Variants in NR4A3 observed in about 807,000 individuals in gnomAD.
NR4A3 encodes nuclear receptor subfamily 4 group A member 3.
A neutral mutation model predicts 55.6 loss-of-function variants in NR4A3; 13 were observed. The ratio of observed to expected loss-of-function variants is 0.23; its 90% CI spans 0.15 to 0.37. The LOEUF (loss-of-function observed/expected upper bound fraction) is 0.37. NR4A3 is among the 10% of genes least tolerant of loss of function. The pLI is 1.00. For synonymous variants in NR4A3, 342 were observed against 357.9 expected (o/e 0.96, Z 0.50); for missense variants, 646 against 822.8 (o/e 0.79, Z 2.63).
intron 6 of NR4A3, among the ~76,000 whole-genome samples, chr9:99,845,173 A>G (rs776073659): frequency 3.9e-5 from 6 of 152,198 alleles, no homozygotes; most frequent in South Asian, 2.1e-4. Flanking sequence ...CCAACATTCT[A>G]TGATTCTCGA....
intron 6 of NR4A3, among the ~76,000 whole-genome samples, chr9:99,845,602 A>T (rs1666116882): frequency 6.6e-6 from 1 of 152,134 alleles, no homozygotes; most frequent in Non-Finnish European, 1.5e-5. Context: ...TTATCAGAAA[A>T]ATCCATCTTT....
In NR4A3 at chr9:99,863,681, T is replaced by G; in HGVS notation, c.1695T>G (p.Ser565Arg). ...VEELCNKITSSLKDHQSKGQA... is the reference protein window; with the variant it reads ...VEELCNKITSRLKDHQSKGQA... ...AGCTATGCAACAAGATCACAAGCAG[T>G]TTAAAAGACCACCAGAGTAAGGGAC... The change falls in exon 8 of 8, where the codon AGT becomes AGG. Residue 565 changes from serine to arginine, a missense_variant. This residue lies in a region of NR4A3 where 163 missense variants were observed against 233.0 expected (regional missense o/e 0.70). Transcript: ENST00000395097. The G allele has an allele frequency of 1.2e-6, 2 of 1,613,762 alleles. No homozygotes were observed. The highest frequency in any genetic ancestry group is 1.7e-6 in the Non-Finnish European group (2 of 1,179,892).
At chr9:99,835,824 C>T (rs1827549292) in intron 5 of NR4A3, among the ~76,000 whole-genome samples, 1 of 152,166 alleles carries the variant, frequency 6.6e-6, no homozygotes, top group Admixed American at 6.5e-5. Flanking sequence ...AGTCATCATC[C>T]TCATCAACAA....
chr9:99,842,602 A>G (rs796932052), intron 5 of NR4A3, among the ~76,000 whole-genome samples: 2 of 152,098 alleles, frequency 1.3e-5, no homozygotes, highest in African/African-American at 4.8e-5. Context: ...ATGGTAGCAC[A>G]CACCTGTAGT....
chr9:99,847,423 C>T lies in NR4A3; in HGVS notation c.1455-14C>T. 1 of 1,612,968 alleles carries T rather than the reference C, an allele frequency of 6.2e-7. No individual in the cohort carries two copies. The highest frequency in any genetic ancestry group is 8.5e-7 in the Non-Finnish European group (1 of 1,179,200). ...ACAGACCTGTTTAATGTTTGTCTTC[C>T]TCTCACCTCCCAGGTCAAACACTGC... On this transcript the variant is annotated splice_polypyrimidine_tract_variant and intron_variant, in intron 6 of 7. Coordinates refer to ENST00000395097, the MANE Select transcript of NR4A3 (RefSeq NM_006981.4).
intron 3 of NR4A3, among the ~76,000 whole-genome samples, chr9:99,830,751 G>GA (rs1827423720): frequency 1.3e-5 from 2 of 152,114 alleles, no homozygotes; most frequent in African/African-American, 2.4e-5. Context: ...GATTTCAGTG[G>GA]AAAATGCTGA....
rs752852206 is a variant in NR4A3 at position 99,828,034 on chromosome 9, C to T, written c.-2-7C>T. On this transcript the variant is annotated splice_region_variant and splice_polypyrimidine_tract_variant and intron_variant, in intron 2 of 7. Transcript: ENST00000395097. The surrounding 1 kb of genome is among the most constrained non-coding windows in gnomAD (Gnocchi z 7.7). ...CTTCTGAGAGACCCTTTTCTCTGTC[C>T]CTGCAGATATGCCCTGCGTCCAAGC... 2 of 1,608,498 alleles carry T rather than the reference C, an allele frequency of 1.2e-6. No homozygotes were observed. Among genetic ancestry groups the T allele is most frequent in the African/African-American group, 1.3e-5 (1 of 74,908 alleles).
intron 7 of NR4A3, among the ~76,000 whole-genome samples, chr9:99,855,954 T>C (rs1827921459): frequency 6.6e-6 from 1 of 152,018 alleles, no homozygotes; most frequent in Non-Finnish European, 1.5e-5. Flanking sequence ...CCCTACTCCC[T>C]GCCATGAGGA....
intron 3 of NR4A3, 104 bp from the exon 4 acceptor site, chr9:99,832,585 C>T (rs1022788773): frequency 1.4e-5 from 13 of 952,956 alleles, no homozygotes; most frequent in African/African-American, 8.5e-5. Context: ...TCGAATTATA[C>T]GAATTGCACT....
intron 5 of NR4A3, chr9:99,833,779 C>T: frequency 5.2e-6 from 7 of 1,350,898 alleles, no homozygotes; most frequent in Non-Finnish European, 5.7e-6. Flanking sequence ...GTGATCTAGA[C>T]AAAGTGACTA....
chr9:99,832,280 G>T (rs1827459355), intron 3 of NR4A3, among the ~76,000 whole-genome samples: 1 of 152,114 alleles, frequency 6.6e-6, no homozygotes, highest in South Asian at 2.1e-4. Flanking sequence ...TTACAATAGT[G>T]ATAGCAAACA....
rs796731511 is a variant in NR4A3, at chr9:99,847,056, C to A, written c.1455-381C>A. ...TCAAGGACAAGCCCTGTCTCAGGAT[C>A]CCTGGAGGGAACAGTCTCATGTTCA... is the stretch of plus-strand genomic sequence containing the variant. On this transcript the variant is annotated intron_variant, in intron 6 of 7. Transcript: ENST00000395097. Among the ~76,000 whole-genome samples the A allele has an allele frequency of 6.6e-5, 10 of 152,310 alleles. No individual in the cohort carries two copies. In the East Asian group the frequency reaches 1.7e-3, roughly 26 times the overall value.
chr9:99,823,896 C>T (rs1827235613), intron 1 of NR4A3, among the ~76,000 whole-genome samples: 3 of 152,012 alleles, frequency 2.0e-5, no homozygotes. Flanking sequence ...CCAACCTCCG[C>T]CCCCGCTCCC....
At position 99,828,051 on chromosome 9, in the gene NR4A3, C is replaced by T. The variant is rs901101487; in HGVS notation, c.9C>T (p.Cys3=). The T allele has an allele frequency of 1.9e-6, 3 of 1,612,644 alleles. No homozygotes were observed. Among genetic ancestry groups the T allele is most frequent in the East Asian group, 2.2e-5 (1 of 44,884 alleles). Residue 3 remains cysteine (C), a synonymous_variant, in exon 3 of 8, where the codon TGC becomes TGT. Transcript: ENST00000395097. The surrounding 1 kb of genome is among the most constrained non-coding windows in gnomAD (Gnocchi z 7.7). MP[C]VQAQYSPSPP... ...TCTCTGTCCCTGCAGATATGCCCTG[C>T]GTCCAAGCCCAATATAGCCCTTCCC...
intron 3 of NR4A3, 38 bp downstream of exon 3, chr9:99,829,031 C>G: frequency 1.5e-6 from 2 of 1,306,624 alleles, no homozygotes; most frequent in Non-Finnish European, 1.9e-6. Flanking sequence ...GCACCCAGCC[C>G]CCTCACTGAA....
chr9:99,828,900 G>C lies in NR4A3; in HGVS notation c.858G>C (p.Ser286=), dbSNP rs766023063. The C allele has an allele frequency of 2.3e-5, 34 of 1,506,600 alleles. No homozygotes were observed. Among genetic ancestry groups the C allele is most frequent in the Non-Finnish European group, 8.8e-7 (1 of 1,132,088 alleles). The allele number at this position is 1,506,600 out of a possible 1,614,324, so 93.3% of individuals were successfully genotyped here. A position where few individuals can be genotyped will look rare whatever the true frequency, so the allele number is the denominator to read the frequency against. ...CGTCGCCGCCCAGCAGGAGCTCGTC[G>C]TCTGGCGAGGGCACGTGTGCCGTGT... ...SLPSPPSRSS[S]SGEGTCAVCG... The change falls in exon 3 of 8, where the codon TCG becomes TCC. Residue 286 remains serine (S), a synonymous_variant. Transcript: ENST00000395097. The surrounding 1 kb of genome is among the most constrained non-coding windows in gnomAD (Gnocchi z 7.7).
At chr9:99,862,982 G>A (rs1034221408) in intron 7 of NR4A3, among the ~76,000 whole-genome samples, 6 of 151,830 alleles carry the variant, frequency 4.0e-5, no homozygotes, top group African/African-American at 1.5e-4. Context: ...CAAGTGGGGG[G>A]GAACAAAACA....
rs529282286 is a variant in NR4A3 at position 99,852,857 on chromosome 9, C to T, written c.1633+5242C>T. Among the ~76,000 whole-genome samples the T allele has an allele frequency of 6.6e-5, 10 of 152,316 alleles. No homozygotes were observed. In the South Asian group the frequency reaches 1.2e-3, roughly 19 times the overall value. Reference sequence around the variant, plus strand: ...GCACACCCTCCACCATCTGTCTTTCCAGAGCTCCACTGCTCACTGTAAATG... The same window carrying T: ...GCACACCCTCCACCATCTGTCTTTCTAGAGCTCCACTGCTCACTGTAAATG... On this transcript the variant is annotated intron_variant, in intron 7 of 7. Transcript: ENST00000395097.
chr9:99,843,841 C>T (rs1370809172), intron 5 of NR4A3, among the ~76,000 whole-genome samples: 5 of 152,036 alleles, frequency 3.3e-5, no homozygotes. Context: ...GCAACCTCCA[C>T]CTTGCAGGTT....
Sources: gnomAD v4.1 joint callset for allele counts (sites outside exome capture counted in the v4.1 genomes callset) on GRCh38, gnomAD v4.1.1 for gene constraint, gnomAD v4.1.1 regional missense constraint, Gnocchi (gnomAD v3.1) non-coding constraint, MANE v1.5 for transcripts, NCBI Gene and HGNC (gene_info 2026-07-23, HGNC 2026-07-21) for gene names.